Variants in EFCAB5 observed in about 807,000 individuals in gnomAD.
EFCAB5 encodes the protein EF-hand calcium binding domain 5.
In EFCAB5, 131 loss-of-function variants were observed where a neutral mutation model predicts 167.9. That is an observed-to-expected ratio of 0.78 (90% CI 0.68 to 0.90). The LOEUF (loss-of-function observed/expected upper bound fraction) is 0.90, where lower values mean the gene tolerates loss of function less well. Among genes scored for constraint, EFCAB5 ranks in the 40% least tolerant of loss-of-function variants. EFCAB5 has a pLI of 0.00. For missense variants in EFCAB5, 1,663 were observed against 1,745.2 expected, an observed-to-expected ratio of 0.95 and a Z score of 0.84; for synonymous variants, 574 against 602.8, an observed-to-expected ratio of 0.95 and a Z score of 0.70.
intron 4 of EFCAB5, among the ~76,000 whole-genome samples, chr17:29,977,852 T>C (rs2068091766): frequency 1.3e-5 from 2 of 152,198 alleles, no homozygotes; most frequent in South Asian, 4.1e-4. Flanking sequence ...ATTTCTTGCA[T>C]ATTAAGTCGT....
At chr17:29,930,808 T>A (rs771274419) in intron 1 of EFCAB5, among the ~76,000 whole-genome samples, 2 of 152,186 alleles carry the variant, frequency 1.3e-5, no homozygotes, top group Non-Finnish European at 2.9e-5. Context: ...CTCTATTGCC[T>A]GTCTAAAGAC....
At chr17:29,984,976 A>G (rs2068251030) in intron 4 of EFCAB5, among the ~76,000 whole-genome samples, 1 of 152,204 alleles carries the variant, frequency 6.6e-6, no homozygotes. Flanking sequence ...TGCATTTTAA[A>G]ATATGTCAGA....
In EFCAB5 at chr17:30,053,700, A is replaced by C; in HGVS notation, c.1746A>C (p.Ser582=). The C allele has an allele frequency of 6.2e-7, 1 of 1,614,046 alleles. No individual in the cohort carries two copies. Among genetic ancestry groups the C allele is most frequent in the Non-Finnish European group, 8.5e-7 (1 of 1,179,894 alleles). Residue 582 remains serine, a synonymous_variant, in exon 10 of 23, where the codon TCA becomes TCC. Coordinates refer to ENST00000394835, the MANE Select transcript of EFCAB5 (RefSeq NM_198529.4). The part of the protein sequence containing the change: ...STTEQGQHKG[S]IEGQGPRRVS... The stretch of plus-strand genomic sequence containing the variant: ...CAGAACAAGGACAGCACAAAGGGTC[A>C]ATAGAAGGACAAGGACCACGCAGAG...
chr17:29,930,137 C>G, intron 1 of EFCAB5: 1 of 776,122 alleles, frequency 1.3e-6, no homozygotes, highest in Non-Finnish European at 2.0e-6. Flanking sequence ...GCCGCGGGAA[C>G]GGCCGCAGAC....
intron 3 of EFCAB5, among the ~76,000 whole-genome samples, chr17:29,960,751 T>C (rs914247421): frequency 6.6e-6 from 1 of 152,188 alleles, no homozygotes; most frequent in African/African-American, 2.4e-5. Flanking sequence ...TGCAAGTATC[T>C]GGGCCCCTGC....
intron 3 of EFCAB5, among the ~76,000 whole-genome samples, chr17:29,951,433 G>A (rs1451522215): frequency 2.6e-5 from 4 of 152,084 alleles, no homozygotes; most frequent in South Asian, 2.1e-4. Flanking sequence ...CACCTCCTGG[G>A]ATCATGCCAT....
chr17:29,949,170 A>C (rs1347246248), intron 3 of EFCAB5, among the ~76,000 whole-genome samples: 1 of 152,208 alleles, frequency 6.6e-6, no homozygotes, highest in Non-Finnish European at 1.5e-5. Flanking sequence ...ATTCCTATTT[A>C]TGTCCTTAAA....
rs2067310655 is a variant in EFCAB5, at chr17:29,942,302, G to C, written c.105G>C (p.Glu35Asp). The change falls in exon 2 of 23, where the codon GAG (glutamate) becomes GAC (aspartate). Residue 35 changes from glutamate (E) to aspartate (D), a missense_variant and splice_region_variant. Glu to Asp is a conservative substitution (Grantham distance 45). Coordinates refer to ENST00000394835, the MANE Select transcript of EFCAB5 (RefSeq NM_198529.4). Reference sequence around the variant, plus strand: ...TAACTGAAGTGAAAGAGCTTCATGAGGTAGAGTTGGCATGAATAAATCAGA... The same window carrying C: ...TAACTGAAGTGAAAGAGCTTCATGACGTAGAGTTGGCATGAATAAATCAGA... ...WNLTEVKELH[E>D]TLQSVPDVPV... 6.3e-7 allele frequency: 1 copy of C among 1,583,716 alleles called. No homozygotes were observed. The highest frequency in any genetic ancestry group is 1.3e-5 in the African/African-American group (1 of 74,144).
intron 7 of EFCAB5, among the ~76,000 whole-genome samples, chr17:30,002,705 T>A (rs898800067): frequency 3.9e-5 from 6 of 152,196 alleles, no homozygotes; most frequent in African/African-American, 1.4e-4. Context: ...TTTTATGCAC[T>A]CTATTTAGAG....
rs374605071 is a variant in EFCAB5, at chr17:30,055,972, C to A, written c.2272+7C>A. 5 of 1,613,594 alleles carry A rather than the reference C, an allele frequency of 3.1e-6. No individual in the cohort carries two copies. The African/African-American group carries it at 6.7e-5, about 22-fold the overall frequency. On this transcript the variant is annotated splice_region_variant and intron_variant, in intron 11 of 22. Transcript: ENST00000394835. ...GAAGGAAAGTCATGGTCAGGTAACT[C>A]CTCATTTAATCCTCCTTTCATTTAT...
chr17:30,088,400 G>C (rs1375232085), intron 19 of EFCAB5, among the ~76,000 whole-genome samples: 3 of 152,068 alleles, frequency 2.0e-5, no homozygotes, highest in Non-Finnish European at 2.9e-5. Context: ...TTTAAAGCAT[G>C]AAAGTGTTTT....
rs1238036677 is a variant in EFCAB5, at chr17:30,017,020, T to G, written c.1044+17044T>G. Among the ~76,000 whole-genome samples, 4 of 151,726 alleles carry G rather than the reference T, an allele frequency of 2.6e-5. No homozygotes were observed. In the East Asian group the frequency reaches 7.7e-4, roughly 29 times the overall value. Reference sequence around the variant, plus strand: ...TAGGAAGACCTGTCTCTACAAAAAATTTAAAAATTAGCTTGGCACAATGGC... The same window carrying G: ...TAGGAAGACCTGTCTCTACAAAAAAGTTAAAAATTAGCTTGGCACAATGGC... On this transcript the variant is annotated intron_variant, in intron 7 of 22. Coordinates refer to ENST00000394835, the MANE Select transcript of EFCAB5 (RefSeq NM_198529.4).
chr17:29,954,108 C>T (rs2071205985), intron 3 of EFCAB5, among the ~76,000 whole-genome samples: 1 of 152,128 alleles, frequency 6.6e-6, no homozygotes, highest in African/African-American at 2.4e-5. Flanking sequence ...ATTTTGCAGC[C>T]TGACTACTAT....
At chr17:30,049,518 A>G (rs1442863136) in intron 8 of EFCAB5, among the ~76,000 whole-genome samples, 2 of 152,060 alleles carry the variant, frequency 1.3e-5, no homozygotes, top group Non-Finnish European at 2.9e-5. Context: ...AAAAAAAAAC[A>G]AAAGAAATAG....
chr17:30,044,367 T>C (rs2151759510), intron 8 of EFCAB5, among the ~76,000 whole-genome samples: 1 of 152,224 alleles, frequency 6.6e-6, no homozygotes, highest in African/African-American at 2.4e-5. Context: ...CAGTTCAGGC[T>C]GGGAGTTCAA....
intron 3 of EFCAB5, among the ~76,000 whole-genome samples, chr17:29,958,315 A>C (rs1429439210): frequency 6.6e-6 from 1 of 152,116 alleles, no homozygotes; most frequent in Non-Finnish European, 1.5e-5. Context: ...TAGATACTGC[A>C]GTCATGCTTA....
At chr17:29,987,425 C>T (rs1274481401) in intron 4 of EFCAB5, among the ~76,000 whole-genome samples, 1 of 152,180 alleles carries the variant, frequency 6.6e-6, no homozygotes, top group Non-Finnish European at 1.5e-5. Flanking sequence ...ACCTCTACCC[C>T]AAGTTATTAT....
chr17:29,962,850 G>A lies in EFCAB5; in HGVS notation c.191-5941G>A, dbSNP rs2067750246. On this transcript the variant is annotated intron_variant, in intron 3 of 22. Coordinates refer to ENST00000394835, the MANE Select transcript of EFCAB5 (RefSeq NM_198529.4). ...AACTCTGGTATGATGTTGAACAGCAGTGGTGAAAGTAGGCATTCTTTTCTT... is the reference window on the plus strand; with the variant it reads ...AACTCTGGTATGATGTTGAACAGCAATGGTGAAAGTAGGCATTCTTTTCTT... 2.0e-5 allele frequency among the ~76,000 whole-genome samples: 3 copies of A among 152,138 alleles called. No individual in the cohort carries two copies. The South Asian group carries it at 6.2e-4, about 32-fold the overall frequency.
intron 14 of EFCAB5, chr17:30,069,748 A>T: frequency 1.4e-6 from 1 of 736,356 alleles, no homozygotes; most frequent in Admixed American, 2.6e-5. Flanking sequence ...GTATGACCAC[A>T]TTTTATCACA....
Sources: allele counts gnomAD v4.1 joint callset (sites outside exome capture counted in the v4.1 genomes callset), GRCh38; gene constraint gnomAD v4.1.1; transcripts MANE v1.5; gene names NCBI Gene and HGNC (gene_info 2026-07-23, HGNC 2026-07-21).